Variants in DYNC1I2 observed in about 807,000 individuals in gnomAD.
The protein encoded by DYNC1I2 is dynein cytoplasmic 1 intermediate chain 2, also known as cytoplasmic dynein 1 intermediate chain 2.
A neutral mutation model predicts 88.6 loss-of-function variants in DYNC1I2; 53 were observed. The observed-to-expected ratio is 0.60, with a 90% confidence interval of 0.48 to 0.75. The LOEUF (loss-of-function observed/expected upper bound fraction) is 0.75. Among genes scored for constraint, DYNC1I2 ranks in the 30% least tolerant of loss-of-function variants. DYNC1I2 has a pLI of 0.00. For missense variants in DYNC1I2, 458 were observed against 766.6 expected, an observed-to-expected ratio of 0.60 and a Z score of 4.75; for synonymous variants, 198 against 254.6, an observed-to-expected ratio of 0.78 and a Z score of 2.12.
chr2:171,728,171 A>G, intron 12 of DYNC1I2, 134 bp from the exon 13 acceptor site: 1 of 730,758 alleles, frequency 1.4e-6, no homozygotes, highest in Non-Finnish European at 2.1e-6. Context: ...ACATTTTGTT[A>G]ATAGCAAACT....
intron 2 of DYNC1I2, among the ~76,000 whole-genome samples, chr2:171,690,724 A>G (rs1299859213): frequency 6.7e-6 from 1 of 149,930 alleles, no homozygotes. Flanking sequence ...TTTGAGCACA[A>G]CTCACTGCAG....
rs1686742963 is a variant in DYNC1I2, at chr2:171,707,176, ATTG to A, written c.245-108_245-106del. The stretch of plus-strand genomic sequence containing the variant: ...ATATATTTTTGATTTTTGGTTTGCC[ATTG>A]TTTTTTTCTTTTTTGTTAATTACTT... On this transcript the variant is annotated intron_variant, in intron 4 of 17. Transcript: ENST00000397119. 4 of 1,508,392 alleles carry A rather than the reference ATTG, an allele frequency of 2.7e-6. No individual in the cohort carries two copies. In the South Asian group the frequency reaches 4.9e-5, roughly 18 times the overall value. The allele number at this position is 1,508,392 out of a possible 1,614,324, so 93.4% of individuals were successfully genotyped here.
intron 5 of DYNC1I2, among the ~76,000 whole-genome samples, chr2:171,709,295 G>A (rs1686929202): frequency 1.3e-5 from 2 of 152,124 alleles, no homozygotes; most frequent in Non-Finnish European, 2.9e-5. Flanking sequence ...GTCCCCATGA[G>A]TTTTATGGAC....
intron 5 of DYNC1I2, 116 bp from the exon 6 acceptor site, chr2:171,712,651 C>A: frequency 4.1e-6 from 3 of 724,570 alleles, no homozygotes; most frequent in Admixed American, 2.7e-5. Context: ...CTAACCAGAA[C>A]ATGTGTTTTT....
chr2:171,710,475 A>T (rs1687035728), intron 5 of DYNC1I2, among the ~76,000 whole-genome samples: 1 of 152,220 alleles, frequency 6.6e-6, no homozygotes, highest in Admixed American at 6.5e-5. Context: ...AGGGAGTAGG[A>T]ATAGATAAGA....
At chr2:171,724,915 A>G (rs1318096938) in intron 7 of DYNC1I2, among the ~76,000 whole-genome samples, 1 of 152,230 alleles carries the variant, frequency 6.6e-6, no homozygotes, top group Non-Finnish European at 1.5e-5. Context: ...TCTTGTAAAC[A>G]TTGTATATTA....
At chr2:171,699,591 A>AGT (rs3223500) in intron 3 of DYNC1I2, among the ~76,000 whole-genome samples, 28,277 of 137,576 alleles carry the variant, frequency 0.21, 2,769 homozygotes, top group Admixed American at 0.26. Flanking sequence ...CATCATTTGG[A>AGT]GTGTGTGTGT....
At chr2:171,721,143 AAAAAG>A (rs1203371569) in intron 7 of DYNC1I2, among the ~76,000 whole-genome samples, 6 of 150,976 alleles carry the variant, frequency 4.0e-5, no homozygotes, top group Non-Finnish European at 8.9e-5. Flanking sequence ...AAAAAAAAAA[AAAAAG>A]AACTACAGAG....
chr2:171,731,204 A>G (rs1688581678), intron 15 of DYNC1I2, among the ~76,000 whole-genome samples: 1 of 152,164 alleles, frequency 6.6e-6, no homozygotes, highest in African/African-American at 2.4e-5. Flanking sequence ...TTATTCTTCT[A>G]GTGAAATTTA....
intron 3 of DYNC1I2, among the ~76,000 whole-genome samples, chr2:171,696,135 AC>A (rs1448992555): frequency 6.6e-6 from 1 of 151,990 alleles, no homozygotes; most frequent in Non-Finnish European, 1.5e-5. Context: ...CTTTTTAAAA[AC>A]CCTTCTAATC....
rs1688424764 is a variant in DYNC1I2, at chr2:171,728,949, T to C, written c.1391+99T>C. 4 of 1,287,492 alleles carry C rather than the reference T, an allele frequency of 3.1e-6. 1 individual carries two copies. The South Asian group carries it at 6.1e-5, about 20-fold the overall frequency. 79.8% of individuals were successfully genotyped at this position (1,287,492 alleles called of 1,614,324 possible). A position where few individuals can be genotyped will look rare whatever the true frequency, so the allele number is the denominator to read the frequency against. ...AGTAGAAATCTGTCGTAGATCTACT[T>C]GTTATTTGTGACAGATTTTTTGTGT... On this transcript the variant is annotated intron_variant, in intron 14 of 17. Transcript: ENST00000397119.
intron 17 of DYNC1I2, among the ~76,000 whole-genome samples, chr2:171,746,764 C>T (rs913216779): frequency 6.6e-6 from 1 of 152,134 alleles, no homozygotes; most frequent in African/African-American, 2.4e-5. Flanking sequence ...TATACACAGT[C>T]ACATGTGGCC....
chr2:171,726,609 A>C (rs1688272347), intron 10 of DYNC1I2, 182 bp from the exon 11 acceptor site: 2 of 631,102 alleles, frequency 3.2e-6, no homozygotes, highest in South Asian at 6.0e-5. Flanking sequence ...TAAAATAATT[A>C]ACTGTTCTAA....
chr2:171,749,554 C>T lies in DYNC1I2; in HGVS notation c.*1665C>T, dbSNP rs1689983706. 6.6e-6 allele frequency among the ~76,000 whole-genome samples: 1 copy of T among 152,040 alleles called. No homozygotes were observed. The highest frequency in any genetic ancestry group is 1.5e-5 in the Non-Finnish European group (1 of 67,972). ...CATGTAGTTACTGTATCTTTACCTT[C>T]AGTTTGTAAAAATGACTAAAAGTAG... On this transcript the variant is annotated 3_prime_UTR_variant, in exon 18 of 18. Coordinates refer to ENST00000397119, the MANE Select transcript of DYNC1I2 (RefSeq NM_001378.3).
intron 3 of DYNC1I2, 197 bp downstream of exon 3, chr2:171,693,091 G>A: frequency 3.7e-6 from 2 of 535,948 alleles, no homozygotes; most frequent in Admixed American, 6.7e-5. Flanking sequence ...AGCTGCAAGA[G>A]TAATTATTAA....
chr2:171,721,783 C>T (rs530714945), intron 7 of DYNC1I2, among the ~76,000 whole-genome samples: 2 of 152,142 alleles, frequency 1.3e-5, no homozygotes, highest in East Asian at 3.9e-4. Flanking sequence ...TGCACCAGTA[C>T]AATAAAACTA....
intron 13 of DYNC1I2, 31 bp downstream of exon 13, chr2:171,728,449 A>C (rs1688389103): frequency 7.4e-7 from 1 of 1,358,366 alleles, no homozygotes; most frequent in Non-Finnish European, 1.0e-6. Flanking sequence ...TGAAATTTTG[A>C]GGCAAATGTT....
rs1324284961 is a variant in DYNC1I2, at chr2:171,725,917, A to G, written c.608-2A>G. ...TACTTCAAAAAATTATTTATTTTCC[A>G]GCTCCCCCTCATGAGCTGACTGAAG... On this transcript the variant is annotated splice_acceptor_variant, in intron 8 of 17. Coordinates refer to ENST00000397119, the MANE Select transcript of DYNC1I2 (RefSeq NM_001378.3). LOFTEE classifies it high-confidence loss of function. The G allele has an allele frequency of 1.3e-6, 2 of 1,563,586 alleles. No homozygotes were observed. The highest frequency in any genetic ancestry group is 1.7e-6 in the Non-Finnish European group (2 of 1,164,304).
intron 3 of DYNC1I2, among the ~76,000 whole-genome samples, chr2:171,706,201 T>C (rs922529268): frequency 1.1e-4 from 16 of 152,136 alleles, no homozygotes; most frequent in African/African-American, 3.9e-4. Context: ...CAGTAGACTG[T>C]TAAAAGAAGG....
Sources: allele counts gnomAD v4.1 joint callset (sites outside exome capture counted in the v4.1 genomes callset), GRCh38; gene constraint gnomAD v4.1.1; transcripts MANE v1.5; gene names NCBI Gene and HGNC (gene_info 2026-07-23, HGNC 2026-07-21).